The following HAUS1 variants were observed in gnomAD, a reference collection of about 807,000 sequenced individuals.
HAUS1 encodes the protein HAUS augmin-like complex subunit 1.
Under a neutral mutation model 38.6 loss-of-function variants are expected in HAUS1, and 25 were observed. That is an observed-to-expected ratio of 0.65 (90% CI 0.47 to 0.91). The LOEUF (loss-of-function observed/expected upper bound fraction) is 0.91. Ranked by LOEUF, HAUS1 falls within the 40% of genes least tolerant of loss-of-function variation. HAUS1 has a pLI of 0.00. For missense variants in HAUS1, 325 were observed against 328.4 expected (o/e 0.99, Z 0.08); for synonymous variants, 109 against 112.9 (o/e 0.97, Z 0.22).
chr18:46,111,570 C>T (rs1171623248), intron 2 of HAUS1, among the ~76,000 whole-genome samples: 1 of 152,140 alleles, frequency 6.6e-6, no homozygotes, highest in African/African-American at 2.4e-5. Context: ...GATCCTCCCA[C>T]CTCAGCCTCC....
At chr18:46,118,385 C>T (rs1383169188) in intron 3 of HAUS1, 69 bp downstream of exon 3, 1 of 1,443,614 alleles carries the variant, frequency 6.9e-7, no homozygotes, top group African/African-American at 1.4e-5. Flanking sequence ...TTTTTGTTCT[C>T]AGCATAATTC....
intron 6 of HAUS1, among the ~76,000 whole-genome samples, chr18:46,123,827 A>G (rs1393101934): frequency 6.6e-6 from 1 of 152,160 alleles, no homozygotes; most frequent in African/African-American, 2.4e-5. Flanking sequence ...AACGTTTTTC[A>G]TACTTTGTTC....
chr18:46,122,851 A>G (rs953323109), intron 5 of HAUS1, among the ~76,000 whole-genome samples: 3 of 152,212 alleles, frequency 2.0e-5, no homozygotes, highest in African/African-American at 7.2e-5. Flanking sequence ...TGTAACGTAC[A>G]AATGCTTAGA....
At chr18:46,114,772 C>T (rs1911758322) in intron 2 of HAUS1, among the ~76,000 whole-genome samples, 1 of 152,130 alleles carries the variant, frequency 6.6e-6, no homozygotes, top group Non-Finnish European at 1.5e-5. Context: ...GTGGAGTCTC[C>T]ACCTCAGTGA....
At chr18:46,122,705 G>C in intron 5 of HAUS1, 115 bp downstream of exon 5, 1 of 1,190,688 alleles carries the variant, frequency 8.4e-7, no homozygotes, top group Non-Finnish European at 1.2e-6. Flanking sequence ...TAGAGAAGTT[G>C]GTAAGTTGCC....
At chr18:46,104,604 T>A (rs1790711815) in intron 1 of HAUS1, among the ~76,000 whole-genome samples, 163 bp downstream of exon 1, 1 of 152,174 alleles carries the variant, frequency 6.6e-6, no homozygotes, top group African/African-American at 2.4e-5. Flanking sequence ...CCCCCCGTGC[T>A]TAGACTCTCC....
At chr18:46,123,198 A>G (rs1911998103) in intron 5 of HAUS1, 101 bp from the exon 6 acceptor site, 4 of 790,126 alleles carry the variant, frequency 5.1e-6, no homozygotes, top group Non-Finnish European at 8.6e-6. Flanking sequence ...GTGACAGAGC[A>G]AGACTCGGTC....
intron 2 of HAUS1, among the ~76,000 whole-genome samples, chr18:46,112,908 A>G (rs1294772806): frequency 1.8e-5 from 2 of 113,482 alleles, no homozygotes; most frequent in Non-Finnish European, 3.2e-5. Context: ...TATTATATAT[A>G]TAATATATAT....
intron 2 of HAUS1, among the ~76,000 whole-genome samples, chr18:46,114,476 G>A (rs1911751298): frequency 6.6e-6 from 1 of 152,128 alleles, no homozygotes; most frequent in Admixed American, 6.6e-5. Flanking sequence ...GCAGCCTTAG[G>A]TCCTCTTGGC....
At position 46,113,021 on chromosome 18, in the gene HAUS1, CATATTATATATATA is replaced by C. The variant is rs1287896969; in HGVS notation, c.206-5155_206-5142del. 6.0e-4 allele frequency among the ~76,000 whole-genome samples: 53 copies of C among 88,852 alleles called. 2 individuals are homozygous for C. The highest frequency in any genetic ancestry group is 1.9e-3 in the African/African-American group (51 of 26,366). The allele number at this position is 88,852 out of a possible 152,430, so 58.3% of individuals were successfully genotyped here. On this transcript the variant is annotated intron_variant, in intron 2 of 8. Coordinates refer to ENST00000282058, the MANE Select transcript of HAUS1 (RefSeq NM_138443.4). ...CCATATATATGGAATATATATATTC[CATATTATATATATA>C]ATATATATATTCCATATTATATATA... is the stretch of plus-strand genomic sequence containing the variant.
intron 1 of HAUS1, among the ~76,000 whole-genome samples, chr18:46,104,896 A>G (rs753006221): frequency 3.3e-5 from 5 of 152,318 alleles, no homozygotes; most frequent in Non-Finnish European, 7.3e-5. Flanking sequence ...ATTATGGTCT[A>G]TTAAGCTTTA....
rs887521762 is a variant in HAUS1, at chr18:46,127,374, T to C, written c.787-701T>C. On this transcript the variant is annotated intron_variant, in intron 8 of 8. Transcript: ENST00000282058. ...AAAATTGCAGAAACCAATTAGCTTA[T>C]TTAGGCCAGATAAGAAGTAATGAGG... 2.0e-5 allele frequency among the ~76,000 whole-genome samples: 3 copies of C among 151,994 alleles called. No individual in the cohort carries two copies. The East Asian group carries it at 5.8e-4, about 29-fold the overall frequency.
At position 46,105,202 on chromosome 18, in the gene HAUS1, G is replaced by A. The variant is rs755399584; in HGVS notation, c.39G>A (p.Ala13=). Residue 13 remains alanine, a synonymous_variant, in exon 2 of 9, where the codon GCG becomes GCA. Transcript: ENST00000282058. ...TTTCTTTTAATGGTTAGGTTGCTGC[G>A]TGGTTAAAAAAAATATTTGGAGATC... ...PQEERETQVA[A]WLKKIFGDHP... The A allele has an allele frequency of 2.5e-6, 4 of 1,608,040 alleles. No homozygotes were observed. In the South Asian group the frequency reaches 4.4e-5, roughly 18 times the overall value.
At position 46,105,175 on chromosome 18, in the gene HAUS1, T is replaced by A; in HGVS notation, c.31-19T>A. 6.4e-7 allele frequency: 1 copy of A among 1,574,666 alleles called. No individual in the cohort carries two copies. The highest frequency in any genetic ancestry group is 1.1e-5 in the South Asian group (1 of 89,228). Reference sequence around the variant, plus strand: ...CAGTAAACAAGGCTTATAATATTTGTCTTTCTTTTAATGGTTAGGTTGCTG... The same window carrying A: ...CAGTAAACAAGGCTTATAATATTTGACTTTCTTTTAATGGTTAGGTTGCTG... On this transcript the variant is annotated intron_variant, in intron 1 of 8. Coordinates refer to ENST00000282058, the MANE Select transcript of HAUS1 (RefSeq NM_138443.4).
chr18:46,124,527 C>T (rs1370797253), intron 6 of HAUS1, among the ~76,000 whole-genome samples: 6 of 150,706 alleles, frequency 4.0e-5, no homozygotes, highest in African/African-American at 4.9e-5. Context: ...TTGAGGCCAC[C>T]GTAAGCCATG....
intron 2 of HAUS1, among the ~76,000 whole-genome samples, chr18:46,110,069 A>G (rs1344190231): frequency 6.6e-6 from 1 of 151,988 alleles, no homozygotes; most frequent in Non-Finnish European, 1.5e-5. Flanking sequence ...TTCAGCCTAC[A>G]AAACTTCCCT....
At chr18:46,112,900 TTA>T (rs1491393078) in intron 2 of HAUS1, among the ~76,000 whole-genome samples, 2 of 112,000 alleles carry the variant, frequency 1.8e-5, no homozygotes, top group South Asian at 2.5e-4. Context: ...ATATTCCATA[TTA>T]TATATATAAT....
At chr18:46,106,405 CT>C (rs1911482377) in intron 2 of HAUS1, among the ~76,000 whole-genome samples, 1 of 151,194 alleles carries the variant, frequency 6.6e-6, no homozygotes, top group South Asian at 2.1e-4. Flanking sequence ...GGAGGCGGAG[CT>C]TGCAGTGAGC....
At chr18:46,113,356 C>G (rs8095711) in intron 2 of HAUS1, among the ~76,000 whole-genome samples, 8 of 152,028 alleles carry the variant, frequency 5.3e-5, no homozygotes, top group Middle Eastern at 3.4e-3. Flanking sequence ...GGATTACAGG[C>G]GTGAGCCACC....
Sources: allele counts gnomAD v4.1 joint callset (sites outside exome capture counted in the v4.1 genomes callset), GRCh38; gene constraint gnomAD v4.1.1; transcripts MANE v1.5; gene names NCBI Gene and HGNC (gene_info 2026-07-23, HGNC 2026-07-21).